NELL2: variants seen among roughly 807,000 people sequenced by gnomAD.
NELL2 encodes the protein neural EGFL like 2, also known as protein kinase C-binding protein NELL2.
Under a neutral mutation model 109.6 loss-of-function variants are expected in NELL2, and 41 were observed. The observed-to-expected ratio is 0.37, with a 90% CI of 0.29 to 0.49. The LOEUF (loss-of-function observed/expected upper bound fraction) is 0.49. Among genes scored for constraint, NELL2 ranks in the 20% least tolerant of loss-of-function variants. The pLI, the probability that NELL2 is intolerant of heterozygous loss-of-function variation, is 0.98. For missense variants in NELL2, 900 were observed against 1,008.3 expected (o/e 0.89, Z 1.45); for synonymous variants, 355 against 344.7 (o/e 1.03, Z -0.33).
intron 2 of NELL2, among the ~76,000 whole-genome samples, chr12:44,865,826 T>TGAAAAA (rs1555229823): frequency 7.0e-6 from 1 of 142,486 alleles, no homozygotes; most frequent in African/African-American, 2.6e-5. Context: ...AAAAAAAAAT[T>TGAAAAA]AAAAAAAAAA....
intron 2 of NELL2, among the ~76,000 whole-genome samples, chr12:44,858,601 T>C (rs527535428): frequency 1.3e-5 from 2 of 152,294 alleles, no homozygotes; most frequent in East Asian, 3.9e-4. Context: ...AATATCCAAG[T>C]CTCTACAAAT....
At chr12:44,780,075 T>A (rs1122352) in intron 3 of NELL2, 53 bp from the exon 4 acceptor site, 336,934 of 1,579,112 alleles carry the variant, frequency 0.21, 38,105 homozygotes, top group Admixed American at 0.31. Context: ...TCAAAAACGA[T>A]TGAAGTGATC....
intron 3 of NELL2, among the ~76,000 whole-genome samples, chr12:44,811,451 G>A (rs1466567653): frequency 1.3e-5 from 2 of 151,590 alleles, no homozygotes; most frequent in Non-Finnish European, 2.9e-5. Context: ...ATGTAAACTG[G>A]AAAGGTCAGT....
intron 15 of NELL2, among the ~76,000 whole-genome samples, chr12:44,571,049 G>C (rs1300154149): frequency 1.3e-5 from 2 of 152,130 alleles, no homozygotes; most frequent in African/African-American, 4.8e-5. Context: ...TCGAAGCACA[G>C]CACATACTTT....
In NELL2 at chr12:44,816,029, A is replaced by C; in HGVS notation, c.292T>G (p.Leu98Val). Residue 98 changes from leucine to valine, a missense_variant, in exon 3 of 20, where the codon TTA becomes GTA. By Grantham distance (32) the Leu-to-Val change is conservative (BLOSUM62 1). This residue lies in a region of NELL2 where 200 missense variants were observed against 191.8 expected (regional missense o/e 1.04). Transcript: ENST00000429094. ...TILVTLKQTH[L>V]NSGVILSIHH... The stretch of plus-strand genomic sequence containing the variant: ...ATTGAGAGAATAACTCCTGAATTTA[A>C]GTGGGTCTGTTTTAGGGTCACCAAA... 1 of 1,612,970 alleles carries C rather than the reference A, an allele frequency of 6.2e-7. No homozygotes were observed. The highest frequency in any genetic ancestry group is 8.5e-7 in the Non-Finnish European group (1 of 1,179,794).
chr12:44,694,837 T>C (rs192894249), intron 12 of NELL2, among the ~76,000 whole-genome samples: 130 of 151,148 alleles, frequency 8.6e-4, no homozygotes, highest in African/African-American at 2.7e-3. Context: ...TTTCCCTTCA[T>C]ATCTCTTGGA....
chr12:44,825,675 C>T lies in NELL2; in HGVS notation c.185-9539G>A, dbSNP rs1943689327. On this transcript the variant is annotated intron_variant, in intron 2 of 19. Coordinates refer to ENST00000429094, the MANE Select transcript of NELL2 (RefSeq NM_001145108.2). ...CCTCCCAAAGTGCTGGGATTACAGG[C>T]ATGAGCCACCGCACCCAGCCTATTC... 2.0e-5 allele frequency among the ~76,000 whole-genome samples: 3 copies of T among 147,906 alleles called. No homozygotes were observed. The South Asian group carries it at 6.7e-4, about 33-fold the overall frequency.
chr12:44,619,904 G>A (rs1351092961), intron 13 of NELL2, among the ~76,000 whole-genome samples: 1 of 152,048 alleles, frequency 6.6e-6, no homozygotes, highest in Admixed American at 6.6e-5. Flanking sequence ...TGAATAGAAG[G>A]TCTAAAGTAT....
At chr12:44,907,250 T>C (rs1233745679) in intron 1 of NELL2, among the ~76,000 whole-genome samples, 2 of 152,048 alleles carry the variant, frequency 1.3e-5, no homozygotes, top group Admixed American at 1.3e-4. Context: ...GAGAATGGAT[T>C]AATACGAGCT....
intron 15 of NELL2, among the ~76,000 whole-genome samples, chr12:44,598,885 T>C (rs10785512): frequency 8.4e-6 from 1 of 118,450 alleles, no homozygotes; most frequent in East Asian, 2.4e-4. Context: ...ACACACACAC[T>C]CTCTCTCTCT....
chr12:44,798,098 T>C (rs911912956), intron 3 of NELL2, among the ~76,000 whole-genome samples: 1 of 134,232 alleles, frequency 7.4e-6, no homozygotes, highest in Admixed American at 7.4e-5. Context: ...CCATCCTAGA[T>C]GGAATGATGG....
At chr12:44,702,224 G>A (rs904781111) in intron 12 of NELL2, among the ~76,000 whole-genome samples, 2 of 151,924 alleles carry the variant, frequency 1.3e-5, no homozygotes, top group Non-Finnish European at 2.9e-5. Flanking sequence ...TTTACTACCC[G>A]AAATTGTCTT....
chr12:44,639,103 C>A (rs2136297231), intron 13 of NELL2, among the ~76,000 whole-genome samples: 1 of 152,216 alleles, frequency 6.6e-6, no homozygotes, highest in Non-Finnish European at 1.5e-5. Flanking sequence ...TTCAGTTGAG[C>A]AAAATTTCAA....
upstream of NELL2, among the ~76,000 whole-genome samples, chr12:44,878,628 G>A (rs1159070048): frequency 3.3e-5 from 5 of 151,928 alleles, no homozygotes; most frequent in Non-Finnish European, 5.9e-5. Flanking sequence ...TTTAAAATTG[G>A]TATTCTAGGG....
At chr12:44,653,267 T>G (rs986494926) in intron 13 of NELL2, among the ~76,000 whole-genome samples, 1 of 152,192 alleles carries the variant, frequency 6.6e-6, no homozygotes, top group Admixed American at 6.5e-5. Context: ...ATATAAGGTA[T>G]GTAACATCAT....
At chr12:44,555,424 A>C (rs1242844290) in intron 15 of NELL2, among the ~76,000 whole-genome samples, 1 of 152,108 alleles carries the variant, frequency 6.6e-6, no homozygotes, top group Non-Finnish European at 1.5e-5. Context: ...TCGAACCTTC[A>C]TATTGCTGAC....
At chr12:44,726,303 C>T (rs1592407660) in intron 9 of NELL2, among the ~76,000 whole-genome samples, 1 of 152,128 alleles carries the variant, frequency 6.6e-6, no homozygotes, top group East Asian at 1.9e-4. Context: ...TTTTGTTATT[C>T]CTTCAAACGA....
intron 12 of NELL2, among the ~76,000 whole-genome samples, chr12:44,699,483 G>T (rs1949161019): frequency 6.6e-6 from 1 of 152,122 alleles, no homozygotes; most frequent in Non-Finnish European, 1.5e-5. Flanking sequence ...AAAGGGTACA[G>T]AAGTTAAATG....
chr12:44,791,465 A>G (rs1942430166), intron 3 of NELL2, among the ~76,000 whole-genome samples: 1 of 151,346 alleles, frequency 6.6e-6, no homozygotes, highest in East Asian at 2.0e-4. Context: ...AAGACTATAA[A>G]TAGAGTACAG....
Sources: gnomAD v4.1 joint callset for allele counts (sites outside exome capture counted in the v4.1 genomes callset) on GRCh38, gnomAD v4.1.1 for gene constraint, gnomAD v4.1.1 regional missense constraint, MANE v1.5 for transcripts, NCBI Gene and HGNC (gene_info 2026-07-23, HGNC 2026-07-21) for gene names.